YIPF4: variants seen among roughly 807,000 people sequenced by gnomAD.
YIPF4 encodes protein YIPF4.
In YIPF4, 18 loss-of-function variants were observed where a neutral mutation model predicts 29.4. The observed-to-expected ratio is 0.61, with a 90% CI of 0.42 to 0.91. YIPF4 has a LOEUF of 0.91. Ranked by LOEUF, YIPF4 falls within the 40% of genes least tolerant of loss-of-function variation. The pLI, the probability that YIPF4 is intolerant of heterozygous loss-of-function variation, is 0.00. For synonymous variants in YIPF4, 115 were observed against 104.7 expected (o/e 1.10, Z -0.60); for missense variants, 279 against 282.7 (o/e 0.99, Z 0.09).
At position 32,298,222 on chromosome 2, in the gene YIPF4, T is replaced by C. The variant is rs770908637; in HGVS notation, c.406-12T>C. On this transcript the variant is annotated splice_polypyrimidine_tract_variant and intron_variant, in intron 3 of 5. Coordinates refer to ENST00000238831, the MANE Select transcript of YIPF4 (RefSeq NM_032312.4). ...GTATAAAAATATTAATTGCATGATT[T>C]TTCCCCCTAAGGTGGTCTCATGGAT... is the stretch of plus-strand genomic sequence containing the variant. The C allele has an allele frequency of 2.5e-6, 4 of 1,578,828 alleles. No homozygotes were observed. In the East Asian group the frequency reaches 6.8e-5, roughly 27 times the overall value.
At chr2:32,297,857 A>G (rs559160703) in intron 3 of YIPF4, among the ~76,000 whole-genome samples, 5 of 152,184 alleles carry the variant, frequency 3.3e-5, no homozygotes, top group Non-Finnish European at 5.9e-5. Flanking sequence ...ACTTGAATAA[A>G]TATGTAATCT....
rs1573551073 is a variant in YIPF4 at position 32,315,797 on chromosome 2, C to T, written c.*10171C>T. ...ATACCTCACTCCTTATACCAAAGTACATTACCCTTGTATCAAATATTTTAA... is the reference window on the plus strand; with the variant it reads ...ATACCTCACTCCTTATACCAAAGTATATTACCCTTGTATCAAATATTTTAA... On this transcript the variant is annotated 3_prime_UTR_variant, in exon 6 of 6. Coordinates refer to ENST00000238831, the MANE Select transcript of YIPF4 (RefSeq NM_032312.4). The T allele has an allele frequency of 6.6e-6, 1 of 151,632 alleles. No individual in the cohort carries two copies. Among genetic ancestry groups the T allele is most frequent in the Non-Finnish European group, 1.5e-5 (1 of 67,928 alleles). 9.4% of individuals were successfully genotyped at this position (151,632 alleles called of 1,614,324 possible).
In YIPF4 at chr2:32,306,355, T is replaced by G. The variant is rs1158202262; in HGVS notation, c.*729T>G. 1 of 985,666 alleles carries G rather than the reference T, an allele frequency of 1.0e-6. No individual in the cohort carries two copies. The highest frequency in any genetic ancestry group is 1.2e-6 in the Non-Finnish European group (1 of 829,894). The allele number at this position is 985,666 out of a possible 1,614,324, so 61.1% of individuals were successfully genotyped here. A position where few individuals can be genotyped will look rare whatever the true frequency, so the allele number is the denominator to read the frequency against. ...GAATGTCCAAACATCTGATTTAAAG[T>G]TTCTGTTTATCTTTCTGACCAAAGG... On this transcript the variant is annotated 3_prime_UTR_variant, in exon 6 of 6. Transcript: ENST00000238831.
In YIPF4 at chr2:32,305,877, A is replaced by AT; in HGVS notation, c.*253dup. On this transcript the variant is annotated 3_prime_UTR_variant, in exon 6 of 6. Coordinates refer to ENST00000238831, the MANE Select transcript of YIPF4 (RefSeq NM_032312.4). ...ATTCCAGTGAATAAAATACAAAAGC[A>AT]TTGTGTTTTTAAGATTGTGTCGATA... The AT allele has an allele frequency of 9.1e-7, 1 of 1,097,872 alleles. No individual in the cohort carries two copies. The highest frequency in any genetic ancestry group is 1.1e-6 in the Non-Finnish European group (1 of 904,332). 68.0% of individuals were successfully genotyped at this position (1,097,872 alleles called of 1,614,324 possible).
chr2:32,280,042 G>C (rs937051670), intron 1 of YIPF4, among the ~76,000 whole-genome samples: 3 of 150,930 alleles, frequency 2.0e-5, no homozygotes, highest in Non-Finnish European at 2.9e-5. Flanking sequence ...AGACCGTCTG[G>C]TGGCTGGTTT....
chr2:32,292,396 A>C, intron 3 of YIPF4, 48 bp downstream of exon 3: 1 of 1,327,902 alleles, frequency 7.5e-7, no homozygotes, highest in East Asian at 2.6e-5. Flanking sequence ...TGAGAGTTTC[A>C]AAAATTAAAT....
chr2:32,278,099 G>T lies in YIPF4; in HGVS notation c.-57G>T. The T allele has an allele frequency of 6.8e-7, 1 of 1,478,608 alleles. No homozygotes were observed. The highest frequency in any genetic ancestry group is 1.3e-5 in the South Asian group (1 of 79,552). 91.6% of individuals were successfully genotyped at this position (1,478,608 alleles called of 1,614,324 possible). ...TGCGGGTCGCCGCCGCGGCCGCCTCGGGGTCTGGGCCCAGCCGCAGCCTCT... is the reference window on the plus strand; with the variant it reads ...TGCGGGTCGCCGCCGCGGCCGCCTCTGGGTCTGGGCCCAGCCGCAGCCTCT... On this transcript the variant is annotated 5_prime_UTR_variant, in exon 1 of 6. Transcript: ENST00000238831.
Position 32,292,315 on chromosome 2 carries a change from C to G in YIPF4, c.372C>G (p.Phe124Leu), listed in dbSNP as rs55684792. 3.4e-3 allele frequency: 5,419 copies of G among 1,599,690 alleles called. 13 individuals carry two copies. The highest frequency in any genetic ancestry group is 4.1e-3 in the Non-Finnish European group (4,796 of 1,173,234). Reference protein sequence around the residue: ...DFWGPLAVVLFFSMISLYGQF... With the variant: ...DFWGPLAVVLLFSMISLYGQF... ...GGGGTCCTCTGGCTGTTGTTCTTTT[C>G]TTTTCCATGATATCATTATATGGAC... is the stretch of plus-strand genomic sequence containing the variant. The change falls in exon 3 of 6, where the codon TTC becomes TTG. Residue 124 changes from phenylalanine (F) to leucine (L), a missense_variant. Coordinates refer to ENST00000238831, the MANE Select transcript of YIPF4 (RefSeq NM_032312.4).
intron 2 of YIPF4, chr2:32,291,068 C>T (rs1558476601): frequency 6.6e-6 from 1 of 152,272 alleles, no homozygotes; most frequent in Non-Finnish European, 1.5e-5. Context: ...GAGGCTTTCA[C>T]TTTCTTTATA....
intron 5 of YIPF4, among the ~76,000 whole-genome samples, chr2:32,302,827 C>T (rs2031451436): frequency 1.3e-5 from 2 of 152,116 alleles, no homozygotes; most frequent in Non-Finnish European, 2.9e-5. Flanking sequence ...GAAATTATTA[C>T]TAATTTCAAT....
rs1036199674 is a variant in YIPF4, at chr2:32,309,959, G to T, written c.*4333G>T. ...CCCACCTTGGCCTCCCAAAGTGCTG[G>T]GATTACAGGCTTAAGCCACCGTGCC... On this transcript the variant is annotated 3_prime_UTR_variant, in exon 6 of 6. Coordinates refer to ENST00000238831, the MANE Select transcript of YIPF4 (RefSeq NM_032312.4). 2 of 151,806 alleles carry T rather than the reference G, an allele frequency of 1.3e-5. No homozygotes were observed. The highest frequency in any genetic ancestry group is 4.8e-5 in the African/African-American group (2 of 41,314). The allele number at this position is 151,806 out of a possible 1,614,324, so 9.4% of individuals were successfully genotyped here.
chr2:32,291,606 T>C (rs1338420517), intron 2 of YIPF4, among the ~76,000 whole-genome samples: 1 of 152,178 alleles, frequency 6.6e-6, no homozygotes, highest in Admixed American at 6.5e-5. Flanking sequence ...TAAGATGAAG[T>C]TATTTTACAT....
chr2:32,282,622 C>T (rs941081887), intron 1 of YIPF4, among the ~76,000 whole-genome samples: 4 of 151,978 alleles, frequency 2.6e-5, no homozygotes, highest in Non-Finnish European at 5.9e-5. Flanking sequence ...TTAGTAGACA[C>T]GGGGTTTCAC....
At chr2:32,301,564 T>TA (rs1417890538) in intron 5 of YIPF4, 69 bp downstream of exon 5, 11 of 1,057,950 alleles carry the variant, frequency 1.0e-5, no homozygotes, top group African/African-American at 1.6e-5. Flanking sequence ...GGCCTCTAGC[T>TA]AGGAATATTG....
chr2:32,289,746 T>C (rs553920770), intron 1 of YIPF4, among the ~76,000 whole-genome samples: 2 of 152,290 alleles, frequency 1.3e-5, no homozygotes, highest in East Asian at 3.9e-4. Context: ...TATTTTTTAA[T>C]GTGGATAACT....
chr2:32,307,176 A>G lies in YIPF4; in HGVS notation c.*1550A>G. ...AAGTAATCAGGAAATATCTATGCCT[A>G]CAGAAGCAGCAACCGTAAGATAAAC... On this transcript the variant is annotated 3_prime_UTR_variant, in exon 6 of 6. Transcript: ENST00000238831. 1 of 1,277,760 alleles carries G rather than the reference A, an allele frequency of 7.8e-7. No homozygotes were observed. Among genetic ancestry groups the G allele is most frequent in the Admixed American group, 2.6e-5 (1 of 38,572 alleles). The allele number at this position is 1,277,760 out of a possible 1,614,324, so 79.2% of individuals were successfully genotyped here.
chr2:32,285,725 A>C (rs2030636129), intron 1 of YIPF4, among the ~76,000 whole-genome samples: 1 of 147,912 alleles, frequency 6.8e-6, no homozygotes, highest in African/African-American at 2.5e-5. Flanking sequence ...GTGCGATCTC[A>C]GCTCATTGCA....
At chr2:32,281,247 T>C (rs984360962) in intron 1 of YIPF4, among the ~76,000 whole-genome samples, 31 of 151,932 alleles carry the variant, frequency 2.0e-4, no homozygotes, top group African/African-American at 6.8e-4. Flanking sequence ...CTTTTTTTTT[T>C]TTTCCTTTTT....
intron 1 of YIPF4, among the ~76,000 whole-genome samples, chr2:32,280,135 A>ATATT (rs1436742907): frequency 3.5e-4 from 50 of 141,620 alleles, no homozygotes; most frequent in African/African-American, 1.2e-3. Context: ...ATATATATAT[A>ATATT]TTTTTTTTTT....
Sources: allele counts gnomAD v4.1 joint callset (sites outside exome capture counted in the v4.1 genomes callset), GRCh38; gene constraint gnomAD v4.1.1; transcripts MANE v1.5; gene names NCBI Gene and HGNC (gene_info 2026-07-23, HGNC 2026-07-21).